Variants in LINGO2 observed in about 807,000 individuals in gnomAD.
LINGO2 encodes leucine-rich repeat and immunoglobulin-like domain-containing nogo receptor-interacting protein 2.
LINGO2 carries 14 observed loss-of-function variants against 30.6 expected under a neutral mutation model. That is an observed-to-expected ratio of 0.46 (90% confidence interval 0.30 to 0.72). LINGO2 has a LOEUF of 0.72. Ranked by LOEUF, LINGO2 falls within the 30% of genes least tolerant of loss-of-function variation. The pLI is 0.07. For missense variants in LINGO2, 729 were observed against 751.7 expected, an observed-to-expected ratio of 0.97 and a Z score of 0.35; for synonymous variants, 317 against 288.5, an observed-to-expected ratio of 1.10 and a Z score of -1.00.
intron 4 of LINGO2, among the ~76,000 whole-genome samples, chr9:28,201,648 C>T (rs12236545): frequency 0.079 from 11,983 of 151,442 alleles, 679 homozygotes; most frequent in East Asian, 0.2. Flanking sequence ...CCTGAGGAAT[C>T]GCCACACTGA....
chr9:29,052,316 T>A, the LINGO2 span, among the ~76,000 whole-genome samples: 2 of 152,166 alleles, frequency 1.3e-5, no homozygotes, highest in Non-Finnish European at 2.9e-5. Context: ...TATACCAGCA[T>A]AAACAATTTT....
the LINGO2 span, among the ~76,000 whole-genome samples, chr9:28,895,142 T>C: frequency 6.6e-6 from 1 of 152,102 alleles, no homozygotes; most frequent in Non-Finnish European, 1.5e-5. Flanking sequence ...CAAATACTAG[T>C]TGGGAGCTAA....
chr9:28,652,138 G>A (rs1828131228), intron 1 of LINGO2, among the ~76,000 whole-genome samples: 2 of 151,996 alleles, frequency 1.3e-5, no homozygotes, highest in South Asian at 4.1e-4. Context: ...ACAAGGACAT[G>A]TTTCATCTTT....
the LINGO2 span, among the ~76,000 whole-genome samples, chr9:28,985,773 C>T: frequency 6.6e-6 from 1 of 152,014 alleles, no homozygotes; most frequent in African/African-American, 2.4e-5. Flanking sequence ...TGACCCCTTA[C>T]AGAATGCATC....
intron 1 of LINGO2, among the ~76,000 whole-genome samples, chr9:28,558,305 C>G (rs1463168770): frequency 6.6e-6 from 1 of 151,820 alleles, no homozygotes; most frequent in East Asian, 1.9e-4. Context: ...ACAGAAGATT[C>G]ATACATTTTC....
the LINGO2 span, among the ~76,000 whole-genome samples, chr9:28,800,659 C>T: frequency 1.4e-4 from 21 of 151,926 alleles, no homozygotes; most frequent in Admixed American, 4.6e-4. Flanking sequence ...AGTTAACATC[C>T]CCACTAAGCA....
intron 4 of LINGO2, among the ~76,000 whole-genome samples, chr9:28,255,196 G>A (rs984703823): frequency 6.8e-6 from 1 of 148,046 alleles, no homozygotes; most frequent in Non-Finnish European, 1.5e-5. Flanking sequence ...TCCCTCTCTC[G>A]CTCTCTCTCT....
rs1323822140 is a variant in LINGO2 at position 28,178,655 on chromosome 9, T to C, written c.-87+116553A>G. Among the ~76,000 whole-genome samples the C allele has an allele frequency of 3.3e-5, 5 of 152,168 alleles. No individual in the cohort carries two copies. In the East Asian group the frequency reaches 9.6e-4, roughly 29 times the overall value. ...AGAAGTTAAAGTTGACACTGAAAGT[T>C]ACGGTTTCTTTAGACTGTGCATTTT... On this transcript the variant is annotated intron_variant, in intron 4 of 5. Transcript: ENST00000379992.
intron 4 of LINGO2, among the ~76,000 whole-genome samples, chr9:28,035,728 G>C (rs1238398916): frequency 1.3e-5 from 2 of 152,152 alleles, no homozygotes. Context: ...AGCATACAGA[G>C]CTGACATCAT....
intron 3 of LINGO2, among the ~76,000 whole-genome samples, chr9:28,312,679 C>G (rs1185869484): frequency 6.6e-6 from 1 of 152,120 alleles, no homozygotes; most frequent in Admixed American, 6.5e-5. Context: ...TTATACAAGA[C>G]AGAGTGCAAT....
intron 4 of LINGO2, among the ~76,000 whole-genome samples, chr9:28,290,244 T>A (rs1823670940): frequency 6.6e-6 from 1 of 152,198 alleles, no homozygotes; most frequent in South Asian, 2.1e-4. Flanking sequence ...GGCTAATATT[T>A]ATGTGGGCCT....
the LINGO2 span, among the ~76,000 whole-genome samples, chr9:28,833,368 A>T: frequency 1.3e-5 from 2 of 152,270 alleles, no homozygotes; most frequent in East Asian, 1.9e-4. Flanking sequence ...ATTCACTTGG[A>T]CAGTCTATAG....
At chr9:29,176,400 G>GT in the LINGO2 span, among the ~76,000 whole-genome samples, 1 of 152,154 alleles carries the variant, frequency 6.6e-6, no homozygotes, top group Non-Finnish European at 1.5e-5. Flanking sequence ...CAGACACGTG[G>GT]TAAGGACATG....
At chr9:28,891,577 T>A in the LINGO2 span, among the ~76,000 whole-genome samples, 1 of 151,898 alleles carries the variant, frequency 6.6e-6, no homozygotes, top group African/African-American at 2.4e-5. Context: ...CTGGTACCTT[T>A]GGGGTGAGTA....
the LINGO2 span, among the ~76,000 whole-genome samples, chr9:28,680,124 T>A: frequency 0.02 from 2,972 of 152,050 alleles, 45 homozygotes; most frequent in Non-Finnish European, 0.029. Context: ...TTGACCAATA[T>A]CTCCTCAACC....
chr9:28,641,823 T>C (rs970421377), intron 1 of LINGO2, among the ~76,000 whole-genome samples: 5 of 152,114 alleles, frequency 3.3e-5, no homozygotes, highest in African/African-American at 1.2e-4. Context: ...AAAGCAAGTG[T>C]GATTTTTACC....
intron 1 of LINGO2, among the ~76,000 whole-genome samples, chr9:28,533,573 C>A (rs1187349264): frequency 6.6e-6 from 1 of 152,148 alleles, no homozygotes; most frequent in Non-Finnish European, 1.5e-5. Context: ...GATTCTCAAA[C>A]TTAGGTTGAT....
At chr9:28,525,119 ACT>A (rs1820970460) in intron 1 of LINGO2, among the ~76,000 whole-genome samples, 1 of 152,182 alleles carries the variant, frequency 6.6e-6, no homozygotes. Flanking sequence ...ACTCGACATC[ACT>A]AGTCAATAAG....
the LINGO2 span, among the ~76,000 whole-genome samples, chr9:28,951,843 T>A: frequency 6.6e-6 from 1 of 152,072 alleles, no homozygotes; most frequent in Admixed American, 6.6e-5. Flanking sequence ...AATCCACCCA[T>A]TATATTAAAA....
Sources: allele counts gnomAD v4.1 joint callset (sites outside exome capture counted in the v4.1 genomes callset), GRCh38; gene constraint gnomAD v4.1.1; transcripts MANE v1.5; gene names NCBI Gene and HGNC (gene_info 2026-07-23, HGNC 2026-07-21).